The following APBB2 variants were observed in gnomAD, a reference collection of about 807,000 sequenced individuals.
APBB2 encodes the protein Fe65-like 1.
In APBB2, 38 loss-of-function variants were observed where a neutral mutation model predicts 82.5. That is an observed-to-expected ratio of 0.46 (90% CI 0.36 to 0.60). APBB2 has a LOEUF of 0.60. APBB2 is among the 20% of genes least tolerant of loss of function. The pLI is 0.00. For missense variants in APBB2, 772 were observed against 972.3 expected, an observed-to-expected ratio of 0.79 and a Z score of 2.74; for synonymous variants, 341 against 368.2, an observed-to-expected ratio of 0.93 and a Z score of 0.85.
intron 1 of APBB2, among the ~76,000 whole-genome samples, chr4:41,174,209 T>G (rs185347722): frequency 6.6e-6 from 1 of 152,300 alleles, no homozygotes; most frequent in East Asian, 1.9e-4. Context: ...TGAGATTTCT[T>G]AAGAGATAAC....
intron 12 of APBB2, among the ~76,000 whole-genome samples, chr4:40,872,808 G>A (rs927389063): frequency 1.3e-5 from 2 of 151,912 alleles, no homozygotes; most frequent in East Asian, 1.9e-4. Flanking sequence ...AGATGGCGCC[G>A]GGTGCAGTGG....
At chr4:41,040,513 G>A (rs1411793305) in intron 4 of APBB2, among the ~76,000 whole-genome samples, 1 of 152,148 alleles carries the variant, frequency 6.6e-6, no homozygotes, top group Non-Finnish European at 1.5e-5. Context: ...TGGTTATTAT[G>A]TCAGTTTTAC....
intron 12 of APBB2, among the ~76,000 whole-genome samples, chr4:40,839,180 C>T (rs1009629794): frequency 3.3e-5 from 5 of 151,812 alleles, no homozygotes; most frequent in Middle Eastern, 3.4e-3. Flanking sequence ...TAGACTCAAG[C>T]GATCCTCCCG....
rs113353203 is a variant in APBB2 at position 41,112,619 on chromosome 4, G to A, written c.-260-11869C>T. ...TTCTGTATGAAATTCCACTAAGGTT[G>A]GAACCTAGGGTTCAAAAAACCTGTA... On this transcript the variant is annotated intron_variant, in intron 2 of 17. Transcript: ENST00000508593. Among the ~76,000 whole-genome samples, 353 of 152,286 alleles carry A rather than the reference G, an allele frequency of 2.3e-3. 1 individual carries two copies. Among genetic ancestry groups the A allele is most frequent in the African/African-American group, 8.2e-3 (340 of 41,552 alleles).
At chr4:40,904,652 A>G (rs1776213371) in intron 10 of APBB2, among the ~76,000 whole-genome samples, 1 of 148,588 alleles carries the variant, frequency 6.7e-6, no homozygotes, top group Admixed American at 6.7e-5. Flanking sequence ...CATTATGTAT[A>G]TGGTTTTAAA....
intron 3 of APBB2, among the ~76,000 whole-genome samples, chr4:41,068,079 C>T (rs1239106422): frequency 6.6e-6 from 1 of 152,196 alleles, no homozygotes; most frequent in Non-Finnish European, 1.5e-5. Flanking sequence ...AAGGAAAGTA[C>T]AGTAGCTCCC....
intron 10 of APBB2, among the ~76,000 whole-genome samples, chr4:40,918,228 A>C (rs1329982953): frequency 6.7e-6 from 1 of 148,676 alleles, no homozygotes; most frequent in Non-Finnish European, 1.5e-5. Flanking sequence ...ACATCCCCAC[A>C]CTGGCTAGTA....
At chr4:40,888,513 C>T (rs1300356459) in intron 12 of APBB2, among the ~76,000 whole-genome samples, 2 of 151,776 alleles carry the variant, frequency 1.3e-5, no homozygotes, top group African/African-American at 4.8e-5. Flanking sequence ...GCTCCTGCCT[C>T]GCACAAGTAT....
Position 41,195,480 on chromosome 4 carries a change from T to C in APBB2, c.-417+18925A>G. Among the ~76,000 whole-genome samples, 4 of 131,028 alleles carry C rather than the reference T, an allele frequency of 3.1e-5. No individual in the cohort carries two copies. The East Asian group carries it at 8.3e-4, about 27-fold the overall frequency. The allele number at this position is 131,028 out of a possible 152,430, so 86.0% of individuals were successfully genotyped here. On this transcript the variant is annotated intron_variant, in intron 1 of 17. Coordinates refer to ENST00000508593, the MANE Select transcript of APBB2 (RefSeq NM_004307.2). ...TTCCACTGCTCCTACCTGCATCCAG[T>C]TCTCCACCATTCTCCCAAACCAGAT...
At chr4:40,825,494 A>G (rs889704650) in intron 15 of APBB2, among the ~76,000 whole-genome samples, 6 of 152,242 alleles carry the variant, frequency 3.9e-5, no homozygotes, top group Admixed American at 3.9e-4. Flanking sequence ...CCTTGACAGC[A>G]TGAAGCCTCC....
chr4:41,212,747 C>T (rs1306926751), intron 1 of APBB2, among the ~76,000 whole-genome samples: 2 of 152,036 alleles, frequency 1.3e-5, no homozygotes, highest in South Asian at 2.1e-4. Context: ...GTACTTGTAC[C>T]CCACCACCTT....
At chr4:40,992,596 G>T (rs1802452825) in intron 6 of APBB2, among the ~76,000 whole-genome samples, 1 of 152,174 alleles carries the variant, frequency 6.6e-6, no homozygotes, top group South Asian at 2.1e-4. Context: ...TAGTAAGGAA[G>T]AGAGCAAACC....
intron 6 of APBB2, among the ~76,000 whole-genome samples, chr4:40,970,846 CA>C (rs1340300657): frequency 6.6e-6 from 1 of 152,148 alleles, no homozygotes; most frequent in Non-Finnish European, 1.5e-5. Flanking sequence ...CCAGGCAAAC[CA>C]TCACCTTAAG....
At chr4:41,001,429 C>T (rs1469904271) in intron 6 of APBB2, among the ~76,000 whole-genome samples, 2 of 152,198 alleles carry the variant, frequency 1.3e-5, no homozygotes, top group East Asian at 1.9e-4. Context: ...TTTATGATAT[C>T]CCAGATATAC....
At chr4:40,974,765 T>C (rs1055317993) in intron 6 of APBB2, among the ~76,000 whole-genome samples, 2 of 152,214 alleles carry the variant, frequency 1.3e-5, no homozygotes, top group African/African-American at 4.8e-5. Flanking sequence ...ATTCTGAGAA[T>C]ACACAGTAAG....
chr4:41,174,202 G>A (rs1245885086), intron 1 of APBB2, among the ~76,000 whole-genome samples: 1 of 152,172 alleles, frequency 6.6e-6, no homozygotes, highest in Admixed American at 6.5e-5. Flanking sequence ...CAACTACTGA[G>A]ATTTCTTAAG....
At chr4:40,830,408 T>C (rs746584294) in intron 13 of APBB2, 55 bp downstream of exon 13, 1 of 1,285,796 alleles carries the variant, frequency 7.8e-7, no homozygotes, top group African/African-American at 1.5e-5. Flanking sequence ...CCACATCCTT[T>C]TATGCAGCAA....
At chr4:40,994,634 G>A (rs1372313324) in intron 6 of APBB2, among the ~76,000 whole-genome samples, 2 of 151,916 alleles carry the variant, frequency 1.3e-5, no homozygotes, top group African/African-American at 4.8e-5. Context: ...CTAACATGGT[G>A]AAACCCCATC....
intron 10 of APBB2, among the ~76,000 whole-genome samples, chr4:40,914,737 T>C (rs1779428253): frequency 6.6e-6 from 1 of 152,232 alleles, no homozygotes; most frequent in Non-Finnish European, 1.5e-5. Flanking sequence ...GTGTTGCTGG[T>C]GACTTTATAG....
Sources: allele counts gnomAD v4.1 joint callset (sites outside exome capture counted in the v4.1 genomes callset), GRCh38; gene constraint gnomAD v4.1.1; transcripts MANE v1.5; gene names NCBI Gene and HGNC (gene_info 2026-07-23, HGNC 2026-07-21).